The following WHRN variants were observed in gnomAD, a reference collection of about 807,000 sequenced individuals.
The protein encoded by WHRN is whirlin.
WHRN carries 41 observed loss-of-function variants against 68.3 expected under a neutral mutation model. The ratio of observed to expected loss-of-function variants is 0.60; its 90% CI spans 0.47 to 0.78. The LOEUF (loss-of-function observed/expected upper bound fraction) is 0.78, where lower values mean the gene tolerates loss of function less well. Ranked by LOEUF, WHRN falls within the 30% of genes least tolerant of loss-of-function variation. The pLI, the probability that WHRN is intolerant of heterozygous loss-of-function variation, is 0.00. For synonymous variants in WHRN, 560 were observed against 561.3 expected, an observed-to-expected ratio of 1.00 and a Z score of 0.03; for missense variants, 1,243 against 1,244.7, an observed-to-expected ratio of 1.00 and a Z score of 0.02.
At chr9:114,464,025 T>C (rs1434880709) in intron 3 of WHRN, among the ~76,000 whole-genome samples, 1 of 152,176 alleles carries the variant, frequency 6.6e-6, no homozygotes, top group Non-Finnish European at 1.5e-5. Flanking sequence ...GATACCCCAT[T>C]CTCCACAATG....
intron 3 of WHRN, among the ~76,000 whole-genome samples, chr9:114,451,930 G>T (rs1290943372): frequency 6.6e-6 from 1 of 152,160 alleles, no homozygotes; most frequent in African/African-American, 2.4e-5. Flanking sequence ...CTCCTTGCAG[G>T]GATGCTGGGA....
Position 114,425,034 on chromosome 9 carries a change from A to C in WHRN, c.1167-10T>G. On this transcript the variant is annotated splice_polypyrimidine_tract_variant and intron_variant, in intron 4 of 11. Transcript: ENST00000362057. ...GAGATCGCCAAGAAACCTGTGGGGA[A>C]AGACACACATCTCCAGTTGTGCATT... The C allele has an allele frequency of 6.2e-7, 1 of 1,614,128 alleles. No individual in the cohort carries two copies. The highest frequency in any genetic ancestry group is 8.5e-7 in the Non-Finnish European group (1 of 1,179,982).
chr9:114,414,519 T>C (rs904956497), intron 7 of WHRN, among the ~76,000 whole-genome samples: 1 of 152,216 alleles, frequency 6.6e-6, no homozygotes. Flanking sequence ...CAAGTTCCCC[T>C]TTGATAGCTT....
Position 114,426,368 on chromosome 9 carries a change from T to C in WHRN, c.1009A>G (p.Ile337Val). 6.2e-7 allele frequency: 1 copy of C among 1,612,640 alleles called. No individual in the cohort carries two copies. The highest frequency in any genetic ancestry group is 8.5e-7 in the Non-Finnish European group (1 of 1,179,624). The change falls in exon 4 of 12, where the codon ATC becomes GTC. Residue 337 changes from isoleucine to valine, a missense_variant. Ile to Val is a conservative substitution (Grantham distance 29, BLOSUM62 3). Transcript: ENST00000362057. ...LEVNGRSFLN[I>V]LHDEAVRLLK... ...AGCCTGACAGCCTCGTCGTGTAGGATGTTGAGAAAGCTCCGCCCATTCACT... is the reference window on the plus strand; with the variant it reads ...AGCCTGACAGCCTCGTCGTGTAGGACGTTGAGAAAGCTCCGCCCATTCACT...
intron 7 of WHRN, among the ~76,000 whole-genome samples, chr9:114,415,286 A>AC (rs1554716162): frequency 2.3e-4 from 33 of 145,274 alleles, no homozygotes; most frequent in Middle Eastern, 3.6e-3. Context: ...AAAAAAAAAA[A>AC]ACACAAACAG....
intron 3 of WHRN, among the ~76,000 whole-genome samples, chr9:114,436,246 A>G (rs1589133741): frequency 6.6e-6 from 1 of 152,224 alleles, no homozygotes; most frequent in East Asian, 1.9e-4. Context: ...TAGAGCACAG[A>G]GGATTTTTAG....
chr9:114,451,355 G>A (rs950359632), intron 3 of WHRN, among the ~76,000 whole-genome samples: 2 of 152,188 alleles, frequency 1.3e-5, no homozygotes, highest in Admixed American at 1.3e-4. Context: ...ATCTCATTGA[G>A]TCTCGGGTTC....
chr9:114,405,949 T>C (rs1834993293), intron 9 of WHRN, among the ~76,000 whole-genome samples: 1 of 152,214 alleles, frequency 6.6e-6, no homozygotes, highest in South Asian at 2.1e-4. Context: ...GTCCAGAGAC[T>C]GCCACTTCAG....
At chr9:114,427,891 T>C (rs1247684086) in intron 3 of WHRN, among the ~76,000 whole-genome samples, 2 of 144,216 alleles carry the variant, frequency 1.4e-5, no homozygotes. Context: ...TGTGCTGGGA[T>C]GTTGTGCTGA....
chr9:114,425,299 G>A (rs1589110236), intron 4 of WHRN: 4 of 625,406 alleles, frequency 6.4e-6, no homozygotes, highest in East Asian at 5.5e-5. Context: ...GCAGGACCAG[G>A]CAGGTAACAC....
chr9:114,427,866 C>T (rs886284664), intron 3 of WHRN, among the ~76,000 whole-genome samples: 3 of 152,218 alleles, frequency 2.0e-5, no homozygotes, highest in Non-Finnish European at 4.4e-5. Context: ...CCACCATTTA[C>T]TGCAATGCCT....
Position 114,407,962 on chromosome 9 carries a change from G to C in WHRN, c.1683C>G (p.Leu561=). 1.2e-6 allele frequency: 2 copies of C among 1,602,924 alleles called. No individual in the cohort carries two copies. Among genetic ancestry groups the C allele is most frequent in the South Asian group, 1.1e-5 (1 of 89,056 alleles). The change falls in exon 8 of 12, where the codon CTC becomes CTG. Residue 561 remains leucine (L), a synonymous_variant. Coordinates refer to ENST00000362057, the MANE Select transcript of WHRN (RefSeq NM_015404.4). ...AGGGCCTTACCACGGACACATCTGG[G>C]AGGGCGTTGATATTGCCCTGGACAG... ...GEAVQGNINA[L]PDVSVDDVRS... is the part of the protein sequence containing the mutation.
chr9:114,503,760 G>A (rs1196456023), intron 1 of WHRN: 2 of 218,990 alleles, frequency 9.1e-6, no homozygotes, highest in African/African-American at 2.4e-5. Context: ...GGCCTCCTCA[G>A]GCCACTTAAG....
At chr9:114,422,892 T>C (rs900287172) in intron 7 of WHRN, among the ~76,000 whole-genome samples, 11 of 152,264 alleles carry the variant, frequency 7.2e-5, no homozygotes, top group African/African-American at 2.6e-4. Flanking sequence ...GGGTGGCCTC[T>C]TGGGGAAAAT....
chr9:114,451,961 G>C (rs551725897), intron 3 of WHRN, among the ~76,000 whole-genome samples: 1 of 152,138 alleles, frequency 6.6e-6, no homozygotes, highest in Non-Finnish European at 1.5e-5. Context: ...ATTCACTGTA[G>C]GCACAGTACT....
At chr9:114,447,580 A>G (rs1238708328) in intron 3 of WHRN, among the ~76,000 whole-genome samples, 2 of 152,146 alleles carry the variant, frequency 1.3e-5, no homozygotes, top group African/African-American at 2.4e-5. Flanking sequence ...ACTGTCAGCA[A>G]TTTGAAAGCA....
intron 2 of WHRN, among the ~76,000 whole-genome samples, chr9:114,469,532 G>A (rs1841015662): frequency 6.6e-6 from 1 of 152,184 alleles, no homozygotes; most frequent in Admixed American, 6.5e-5. Flanking sequence ...ACCCTCCCTG[G>A]AGGCAGCTCT....
intron 2 of WHRN, among the ~76,000 whole-genome samples, chr9:114,476,832 G>A (rs1396193790): frequency 6.6e-6 from 1 of 152,128 alleles, no homozygotes; most frequent in Non-Finnish European, 1.5e-5. Context: ...CTGCGAGGAG[G>A]ACTCAGGAAG....
chr9:114,465,463 G>A (rs998980828), intron 3 of WHRN, among the ~76,000 whole-genome samples: 3 of 152,074 alleles, frequency 2.0e-5, no homozygotes, highest in African/African-American at 7.2e-5. Flanking sequence ...CACTCCCCAT[G>A]GCCTGGCTCA....
Sources: allele counts gnomAD v4.1 joint callset (sites outside exome capture counted in the v4.1 genomes callset), GRCh38; gene constraint gnomAD v4.1.1; transcripts MANE v1.5; gene names NCBI Gene and HGNC (gene_info 2026-07-23, HGNC 2026-07-21).